The following IFNG-AS1 variants were observed in gnomAD, a reference collection of about 807,000 sequenced individuals.
IFNG-AS1 encodes IFNG antisense RNA 1 (non-protein coding).
intron 1 of IFNG-AS1, among the ~76,000 whole-genome samples, chr12:67,991,895 AAAT>A (rs766441631): frequency 2.8e-4 from 42 of 152,362 alleles, no homozygotes; most frequent in Non-Finnish European, 4.3e-4. Flanking sequence ...ATCTAGAATG[AAAT>A]AATAAGTGTC....
chr12:68,011,260 T>C (rs1565691244), intron 3 of IFNG-AS1, among the ~76,000 whole-genome samples: 2 of 152,222 alleles, frequency 1.3e-5, no homozygotes, highest in Admixed American at 1.3e-4. Context: ...ACTTTACAAG[T>C]AATCGAGTAA....
At chr12:68,002,530 G>A (rs951331196) in intron 2 of IFNG-AS1, among the ~76,000 whole-genome samples, 1 of 152,098 alleles carries the variant, frequency 6.6e-6, no homozygotes, top group Non-Finnish European at 1.5e-5. Context: ...AAAGGGGGTG[G>A]ATTACTTATT....
intron 2 of IFNG-AS1, among the ~76,000 whole-genome samples, chr12:68,002,667 G>T (rs1879796290): frequency 6.6e-6 from 1 of 152,174 alleles, no homozygotes. Flanking sequence ...GCATGAGATG[G>T]CACCTTACCC....
intron 3 of IFNG-AS1, among the ~76,000 whole-genome samples, chr12:68,012,542 CCTT>C (rs1373810475): frequency 6.6e-6 from 1 of 152,200 alleles, no homozygotes; most frequent in African/African-American, 2.4e-5. Context: ...CAACCAGCTT[CCTT>C]CTCCCAAACA....
intron 3 of IFNG-AS1, among the ~76,000 whole-genome samples, chr12:68,018,260 C>A (rs1169574691): frequency 6.6e-6 from 1 of 152,018 alleles, no homozygotes; most frequent in Non-Finnish European, 1.5e-5. Context: ...GGTTGCTGAT[C>A]TTGTCTTATA....
chr12:67,993,538 T>C (rs1429480184), intron 1 of IFNG-AS1, among the ~76,000 whole-genome samples: 1 of 152,230 alleles, frequency 6.6e-6, no homozygotes, highest in African/African-American at 2.4e-5. Context: ...CTCATCAATC[T>C]ATCTAGATAA....
chr12:68,018,018 T>G (rs1377741396), intron 3 of IFNG-AS1, among the ~76,000 whole-genome samples: 1 of 152,176 alleles, frequency 6.6e-6, no homozygotes. Flanking sequence ...TGCCTTTTGC[T>G]TGATGTGTTC....
At chr12:68,003,741 C>T (rs1402642537) in intron 2 of IFNG-AS1, among the ~76,000 whole-genome samples, 1 of 151,930 alleles carries the variant, frequency 6.6e-6, no homozygotes, top group African/African-American at 2.4e-5. Context: ...GGCAAAACCC[C>T]GTCTCTACTA....
intron 3 of IFNG-AS1, among the ~76,000 whole-genome samples, chr12:68,011,313 T>C (rs1157266995): frequency 6.6e-6 from 1 of 152,234 alleles, no homozygotes; most frequent in Non-Finnish European, 1.5e-5. Context: ...CTGTGGGTTG[T>C]GGTTCAATCA....
intron 3 of IFNG-AS1, among the ~76,000 whole-genome samples, chr12:68,010,737 G>A (rs562656649): frequency 1.3e-5 from 2 of 152,232 alleles, no homozygotes; most frequent in African/African-American, 2.4e-5. Context: ...GCCTTGGGCC[G>A]AACCACATAT....
At chr12:68,006,583 A>C (rs2120451764) in intron 3 of IFNG-AS1, among the ~76,000 whole-genome samples, 1 of 152,318 alleles carries the variant, frequency 6.6e-6, no homozygotes, top group Admixed American at 6.5e-5. Context: ...TATAGGTGAA[A>C]GTGAAGGGAT....
chr12:68,005,230 C>T (rs144010475), intron 2 of IFNG-AS1, among the ~76,000 whole-genome samples: 2 of 152,322 alleles, frequency 1.3e-5, no homozygotes, highest in Non-Finnish European at 2.9e-5. Context: ...CTGTGTCCCT[C>T]TTGAAACCAA....
chr12:68,006,856 C>G (rs1002419899), intron 3 of IFNG-AS1, among the ~76,000 whole-genome samples: 19 of 152,154 alleles, frequency 1.2e-4, no homozygotes, highest in Non-Finnish European at 2.6e-4. Context: ...CCAGCTGATC[C>G]CTTGACGGCA....
At chr12:68,003,773 A>G (rs1367068756) in intron 2 of IFNG-AS1, among the ~76,000 whole-genome samples, 3 of 151,998 alleles carry the variant, frequency 2.0e-5, no homozygotes, top group Non-Finnish European at 4.4e-5. Context: ...CGGGCATGGT[A>G]GCGGGTGTCT....
intron 3 of IFNG-AS1, chr12:68,013,415 A>G (rs1330173371): frequency 6.6e-6 from 1 of 152,238 alleles, no homozygotes; most frequent in Non-Finnish European, 1.5e-5. Context: ...TAACAGATGA[A>G]TGTGCAATAT....
chr12:68,000,801 A>G (rs904506801), intron 2 of IFNG-AS1, among the ~76,000 whole-genome samples: 2 of 152,140 alleles, frequency 1.3e-5, no homozygotes, highest in African/African-American at 2.4e-5. Flanking sequence ...GCTATTGTTC[A>G]TATTTTCAGA....
intron 3 of IFNG-AS1, among the ~76,000 whole-genome samples, chr12:68,011,047 G>A (rs1479724808): frequency 6.6e-6 from 1 of 152,198 alleles, no homozygotes. Context: ...AAAAGGTTTT[G>A]TAAATGGATC....
intron 2 of IFNG-AS1, among the ~76,000 whole-genome samples, chr12:67,999,227 T>A (rs1879711566): frequency 6.6e-6 from 1 of 152,238 alleles, no homozygotes; most frequent in East Asian, 1.9e-4. Flanking sequence ...ACTTAGATTA[T>A]GTGTATGTAC....
At chr12:68,010,376 G>A (rs114417213) in intron 3 of IFNG-AS1, among the ~76,000 whole-genome samples, 3 of 152,126 alleles carry the variant, frequency 2.0e-5, no homozygotes, top group Admixed American at 6.5e-5. Context: ...GTCTTCAGAC[G>A]CCAGTTTGCG....
Sources: gnomAD v4.1 joint callset for allele counts (sites outside exome capture counted in the v4.1 genomes callset) on GRCh38, gnomAD v4.1.1 for gene constraint, MANE v1.5 for transcripts, NCBI Gene and HGNC (gene_info 2026-07-23, HGNC 2026-07-21) for gene names.